The following ARHGAP15 variants were observed in gnomAD, a reference collection of about 807,000 sequenced individuals.
ARHGAP15 encodes rho GTPase-activating protein 15.
ARHGAP15 carries 51 observed loss-of-function variants against 63.7 expected under a neutral mutation model. That is an observed-to-expected ratio of 0.80 (90% confidence interval 0.64 to 1.01). The LOEUF (loss-of-function observed/expected upper bound fraction) is 1.01, where lower values mean the gene tolerates loss of function less well. Ranked by LOEUF, ARHGAP15 falls within the 50% of genes least tolerant of loss-of-function variation. ARHGAP15 has a pLI of 0.00. For missense variants in ARHGAP15, 560 were observed against 564.6 expected (o/e 0.99, Z 0.08); for synonymous variants, 191 against 193.8 (o/e 0.99, Z 0.12).
At chr2:143,744,255 T>C (rs1045792142) in intron 13 of ARHGAP15, among the ~76,000 whole-genome samples, 1 of 152,212 alleles carries the variant, frequency 6.6e-6, no homozygotes, top group Admixed American at 6.5e-5. Context: ...CTTTGTATCA[T>C]TAGTTAAGAA....
In ARHGAP15 at chr2:143,463,453, A is replaced by G. The variant is rs1392714866; in HGVS notation, c.704-23920A>G. Among the ~76,000 whole-genome samples the G allele has an allele frequency of 2.7e-5, 4 of 150,896 alleles. No individual in the cohort carries two copies. In the Admixed American group the frequency reaches 2.7e-4, roughly 10 times the overall value. ...TCTACTCAGGAGGCTGAAACAGGAAAATCACTAACCCTGGAGGCAGAAGTT... is the reference window on the plus strand; with the variant it reads ...TCTACTCAGGAGGCTGAAACAGGAAGATCACTAACCCTGGAGGCAGAAGTT... On this transcript the variant is annotated intron_variant, in intron 8 of 13. Coordinates refer to ENST00000295095, the MANE Select transcript of ARHGAP15 (RefSeq NM_018460.4).
chr2:143,172,385 A>G (rs750654826), intron 2 of ARHGAP15, among the ~76,000 whole-genome samples: 8 of 152,106 alleles, frequency 5.3e-5, no homozygotes, highest in Non-Finnish European at 8.8e-5. Context: ...TTGATGCACA[A>G]TCAGAGGCCA....
At chr2:143,234,153 T>C (rs1693550489) in intron 5 of ARHGAP15, among the ~76,000 whole-genome samples, 1 of 152,244 alleles carries the variant, frequency 6.6e-6, no homozygotes, top group Non-Finnish European at 1.5e-5. Flanking sequence ...ATTTCAATTA[T>C]TGTAATTTTT....
At chr2:143,197,138 A>T (rs928746735) in intron 2 of ARHGAP15, among the ~76,000 whole-genome samples, 1 of 151,966 alleles carries the variant, frequency 6.6e-6, no homozygotes. Flanking sequence ...AAGAATTTAA[A>T]CTACTGTTTA....
intron 5 of ARHGAP15, among the ~76,000 whole-genome samples, chr2:143,235,036 A>G (rs1353001606): frequency 2.0e-5 from 3 of 152,208 alleles, no homozygotes; most frequent in African/African-American, 7.2e-5. Flanking sequence ...CAAGTTAAGT[A>G]TGCATTTGGT....
chr2:143,429,727 G>A (rs558640448), intron 6 of ARHGAP15, among the ~76,000 whole-genome samples: 1 of 152,192 alleles, frequency 6.6e-6, no homozygotes, highest in Non-Finnish European at 1.5e-5. Flanking sequence ...GTAGCATGTG[G>A]ATTTAGGAAC....
chr2:143,239,754 C>T lies in ARHGAP15; in HGVS notation c.385-10757C>T, dbSNP rs544911772. Among the ~76,000 whole-genome samples the T allele has an allele frequency of 2.0e-5, 3 of 151,960 alleles. No homozygotes were observed. In the East Asian group the frequency reaches 5.8e-4, roughly 29 times the overall value. On this transcript the variant is annotated intron_variant, in intron 5 of 13. Coordinates refer to ENST00000295095, the MANE Select transcript of ARHGAP15 (RefSeq NM_018460.4). ...GCCTAGAATCCCAGTACTTTGGGAG[C>T]CCAAGGCAGGTGGATCACCTGAGGT...
At chr2:143,164,220 T>C (rs555348892) in intron 2 of ARHGAP15, among the ~76,000 whole-genome samples, 1 of 152,170 alleles carries the variant, frequency 6.6e-6, no homozygotes, top group South Asian at 2.1e-4. Context: ...TTATCCAGCC[T>C]TTGAATCCCC....
intron 13 of ARHGAP15, among the ~76,000 whole-genome samples, chr2:143,715,680 ACTCTGATGATAGATT>A (rs1684780548): frequency 6.6e-6 from 1 of 152,116 alleles, no homozygotes; most frequent in African/African-American, 2.4e-5. Flanking sequence ...TTTTCTGTTC[ACTCTGATGATAGATT>A]CTTTTGCTGT....
intron 9 of ARHGAP15, among the ~76,000 whole-genome samples, chr2:143,494,000 T>C (rs566582430): frequency 6.6e-5 from 10 of 152,310 alleles, no homozygotes; most frequent in South Asian, 4.1e-4. Flanking sequence ...CTCAGAATCA[T>C]TGGGGGGTTT....
intron 6 of ARHGAP15, among the ~76,000 whole-genome samples, chr2:143,259,079 C>T (rs1159560757): frequency 6.6e-6 from 1 of 151,708 alleles, no homozygotes; most frequent in Non-Finnish European, 1.5e-5. Context: ...ATTCCCATGC[C>T]CTTGATCAAG....
intron 13 of ARHGAP15, among the ~76,000 whole-genome samples, chr2:143,753,844 T>C (rs991871246): frequency 2.0e-5 from 3 of 152,196 alleles, no homozygotes; most frequent in Non-Finnish European, 4.4e-5. Flanking sequence ...TGGAAACTCA[T>C]TGTCAGATAA....
At chr2:143,536,547 C>T (rs865937192) in intron 10 of ARHGAP15, among the ~76,000 whole-genome samples, 5 of 141,438 alleles carry the variant, frequency 3.5e-5, no homozygotes, top group Admixed American at 7.5e-5. Context: ...CAACCGTCCC[C>T]GGTGTGTGAT....
intron 6 of ARHGAP15, among the ~76,000 whole-genome samples, chr2:143,385,167 C>A (rs1282821313): frequency 1.3e-5 from 2 of 152,046 alleles, no homozygotes; most frequent in African/African-American, 4.8e-5. Flanking sequence ...GTTTTGTAGC[C>A]ACGCAAAGAG....
rs1558898102 is a variant in ARHGAP15, at chr2:143,330,133, C to CAAAAAAA, written c.474+79538_474+79539insAAAAAAA. ...AAAAAAAAAAAAAAAAAAAAAAAAC[C>CAAAAAAA]AAAAACAAAAAACTAAACTAATGAT... On this transcript the variant is annotated intron_variant, in intron 6 of 13. Transcript: ENST00000295095. 6.8e-3 allele frequency among the ~76,000 whole-genome samples: 255 copies of CAAAAAAA among 37,364 alleles called. 39 individuals carry two copies. The highest frequency in any genetic ancestry group is 9.8e-3 in the Non-Finnish European group (188 of 19,170). 24.5% of individuals were successfully genotyped at this position (37,364 alleles called of 152,430 possible). A position where few individuals can be genotyped will look rare whatever the true frequency, so the allele number is the denominator to read the frequency against.
At chr2:143,628,513 A>G (rs1050030718) in intron 12 of ARHGAP15, among the ~76,000 whole-genome samples, 2 of 152,064 alleles carry the variant, frequency 1.3e-5, no homozygotes, top group Admixed American at 6.6e-5. Context: ...TTTATCCCCA[A>G]CCCGTTCACC....
At chr2:143,333,190 G>A (rs1375551525) in intron 6 of ARHGAP15, among the ~76,000 whole-genome samples, 10 of 152,148 alleles carry the variant, frequency 6.6e-5, no homozygotes, top group African/African-American at 2.4e-4. Flanking sequence ...AATGTGATTA[G>A]CAGTTGCTCT....
intron 3 of ARHGAP15, among the ~76,000 whole-genome samples, chr2:143,204,379 T>C (rs1043234060): frequency 6.6e-6 from 1 of 152,098 alleles, no homozygotes; most frequent in Non-Finnish European, 1.5e-5. Context: ...AAGTCCAAGA[T>C]CAGCATTCCA....
At chr2:143,494,107 ATTCT>A (rs993522926) in intron 9 of ARHGAP15, among the ~76,000 whole-genome samples, 1 of 152,026 alleles carries the variant, frequency 6.6e-6, no homozygotes, top group Non-Finnish European at 1.5e-5. Flanking sequence ...AAGAATTATG[ATTCT>A]TTCTTCAGTG....
Sources: gnomAD v4.1 joint callset for allele counts (sites outside exome capture counted in the v4.1 genomes callset) on GRCh38, gnomAD v4.1.1 for gene constraint, MANE v1.5 for transcripts, NCBI Gene and HGNC (gene_info 2026-07-23, HGNC 2026-07-21) for gene names.